The following ENPEP variants were observed in gnomAD, a reference collection of about 807,000 sequenced individuals.
ENPEP encodes the protein glutamyl aminopeptidase.
Under a neutral mutation model 114.5 loss-of-function variants are expected in ENPEP, and 103 were observed. That is an observed-to-expected ratio of 0.90 (90% CI 0.77 to 1.06). ENPEP has a LOEUF of 1.06. ENPEP is among the 50% of genes least tolerant of loss of function. The pLI is 0.00. For synonymous variants in ENPEP, 420 were observed against 422.0 expected (o/e 1.00, Z 0.06); for missense variants, 1,196 against 1,161.3 (o/e 1.03, Z -0.43).
At chr4:110,512,719 A>G (rs1560559300) in intron 6 of ENPEP, 1 of 152,234 alleles carries the variant, frequency 6.6e-6, no homozygotes, top group Non-Finnish European at 1.5e-5. Context: ...AGTACTAACC[A>G]TGAATTTTAT....
intron 18 of ENPEP, among the ~76,000 whole-genome samples, chr4:110,557,249 A>G (rs1727509562): frequency 6.6e-6 from 1 of 152,270 alleles, no homozygotes; most frequent in Non-Finnish European, 1.5e-5. Context: ...TTTTAGAGGC[A>G]GATGACTTAC....
At chr4:110,517,929 C>A (rs554365407) in intron 8 of ENPEP, among the ~76,000 whole-genome samples, 47 of 152,284 alleles carry the variant, frequency 3.1e-4, no homozygotes, top group African/African-American at 1.1e-3. Context: ...CCAACAATAT[C>A]CTCCTTGAGT....
Position 110,491,131 on chromosome 4 carries a change from C to G in ENPEP, c.885C>G (p.Asp295Glu). 6.2e-7 allele frequency: 1 copy of G among 1,611,232 alleles called. No homozygotes were observed. Residue 295 changes from aspartate (D) to glutamate (E), a missense_variant, in exon 3 of 20, where the codon GAC becomes GAG. Physicochemically the swap from Asp to Glu is conservative, Grantham distance 45. Transcript: ENST00000265162. Reference sequence around the variant, plus strand: ...TGTGCTTTGCTGTACATCAATTTGACTCTGTAAAGAGAATATCAAATAGTG... The same window carrying G: ...TGTGCTTTGCTGTACATCAATTTGAGTCTGTAAAGAGAATATCAAATAGTG... ...YLVCFAVHQF[D>E]SVKRISNSGK... is the part of the protein sequence containing the mutation.
intron 1 of ENPEP, among the ~76,000 whole-genome samples, chr4:110,481,221 T>C (rs1724300596): frequency 6.6e-6 from 1 of 152,076 alleles, no homozygotes; most frequent in Non-Finnish European, 1.5e-5. Context: ...ATGATCTGTT[T>C]TGGATTTTGT....
Position 110,549,364 on chromosome 4 carries a change from G to C in ENPEP, c.2170G>C (p.Val724Leu). Residue 724 changes from valine (V) to leucine (L), a missense_variant, in exon 15 of 20, where the codon GTG becomes CTG. Physicochemically the swap from Val to Leu is conservative, Grantham distance 32 (BLOSUM62 1). Transcript: ENST00000265162. ...ATTTCAGGAATACTTCCAAGGTCAAGTGAAGCCTATTGCAGATTCTCTGGG... is the reference window on the plus strand; with the variant it reads ...ATTTCAGGAATACTTCCAAGGTCAACTGAAGCCTATTGCAGATTCTCTGGG... ...PMIEEYFQGQVKPIADSLGWN... is the reference protein window; with the variant it reads ...PMIEEYFQGQLKPIADSLGWN... The C allele has an allele frequency of 6.2e-7, 1 of 1,613,142 alleles. No individual in the cohort carries two copies. The highest frequency in any genetic ancestry group is 8.5e-7 in the Non-Finnish European group (1 of 1,179,374).
intron 1 of ENPEP, among the ~76,000 whole-genome samples, chr4:110,486,505 T>C (rs1724503732): frequency 6.6e-6 from 1 of 152,214 alleles, no homozygotes; most frequent in South Asian, 2.1e-4. Flanking sequence ...TCCTTCTACT[T>C]GAACATGTTT....
intron 2 of ENPEP, among the ~76,000 whole-genome samples, chr4:110,490,166 C>G (rs1039949719): frequency 8.6e-5 from 13 of 151,860 alleles, no homozygotes; most frequent in Non-Finnish European, 1.5e-4. Context: ...CTACTAGATC[C>G]AGATAGTAGT....
At chr4:110,553,241 T>A in intron 17 of ENPEP, 74 bp from the exon 18 acceptor site, 1 of 1,340,334 alleles carries the variant, frequency 7.5e-7, no homozygotes, top group Non-Finnish European at 1.0e-6. Context: ...TGAAAACTAT[T>A]TTGTATTGGA....
At chr4:110,543,534 C>G (rs1331388302) in intron 13 of ENPEP, among the ~76,000 whole-genome samples, 1 of 152,022 alleles carries the variant, frequency 6.6e-6, no homozygotes, top group African/African-American at 2.4e-5. Flanking sequence ...TAGAACTGAT[C>G]AGAATTAGGG....
At chr4:110,500,496 T>C (rs1040808447) in intron 3 of ENPEP, among the ~76,000 whole-genome samples, 1 of 152,200 alleles carries the variant, frequency 6.6e-6, no homozygotes, top group Non-Finnish European at 1.5e-5. Flanking sequence ...AAAGTAAATA[T>C]ATGCATGAAA....
At chr4:110,489,900 AG>A (rs1724639634) in intron 2 of ENPEP, among the ~76,000 whole-genome samples, 1 of 152,228 alleles carries the variant, frequency 6.6e-6, no homozygotes, top group African/African-American at 2.4e-5. Context: ...TCCTTGAAAA[AG>A]CAACAACAAA....
chr4:110,538,056 C>T (rs1055029422), intron 11 of ENPEP, among the ~76,000 whole-genome samples: 13 of 152,156 alleles, frequency 8.5e-5, no homozygotes, highest in African/African-American at 3.1e-4. Context: ...TAGCATAATT[C>T]TTAAGGGCCT....
At chr4:110,523,485 T>C (rs1449915186) in intron 10 of ENPEP, among the ~76,000 whole-genome samples, 1 of 152,170 alleles carries the variant, frequency 6.6e-6, no homozygotes, top group East Asian at 1.9e-4. Context: ...AAGAAAAGGC[T>C]CTGATATTAG....
At chr4:110,524,755 T>C (rs1398342967) in intron 10 of ENPEP, among the ~76,000 whole-genome samples, 1 of 152,162 alleles carries the variant, frequency 6.6e-6, no homozygotes, top group African/African-American at 2.4e-5. Context: ...CCAAATGTAT[T>C]TATTTATTTA....
intron 3 of ENPEP, among the ~76,000 whole-genome samples, chr4:110,500,688 C>T (rs1027181726): frequency 5.9e-5 from 9 of 152,182 alleles, no homozygotes; most frequent in Admixed American, 3.3e-4. Context: ...TGCATCCCTC[C>T]TCACTCCATG....
At chr4:110,487,875 C>G (rs1054729489) in intron 1 of ENPEP, among the ~76,000 whole-genome samples, 9 of 151,878 alleles carry the variant, frequency 5.9e-5, no homozygotes, top group African/African-American at 1.9e-4. Context: ...TAGTTTACAC[C>G]AGCATATGCC....
intron 3 of ENPEP, 48 bp from the exon 4 acceptor site, chr4:110,506,589 T>A: frequency 6.4e-7 from 1 of 1,556,960 alleles, no homozygotes. Flanking sequence ...TTGTATTTTG[T>A]TGAATGAAGA....
chr4:110,525,094 A>C (rs1726144077), intron 10 of ENPEP, among the ~76,000 whole-genome samples: 1 of 152,372 alleles, frequency 6.6e-6, no homozygotes, highest in East Asian at 1.9e-4. Context: ...AGGCTGATAA[A>C]GCATGCAAAG....
chr4:110,508,134 T>C (rs1725436958), intron 4 of ENPEP, among the ~76,000 whole-genome samples: 1 of 152,118 alleles, frequency 6.6e-6, no homozygotes, highest in African/African-American at 2.4e-5. Context: ...CCAACTCCTT[T>C]ATTCTGTTTT....
Sources: allele counts gnomAD v4.1 joint callset (sites outside exome capture counted in the v4.1 genomes callset), GRCh38; gene constraint gnomAD v4.1.1; transcripts MANE v1.5; gene names NCBI Gene and HGNC (gene_info 2026-07-23, HGNC 2026-07-21).